GALNT13: variants seen among roughly 807,000 people sequenced by gnomAD.
GALNT13 encodes the protein UDP-GalNAc:polypeptide N-acetylgalactosaminyltransferase 13.
A neutral mutation model predicts 64.2 loss-of-function variants in GALNT13; 28 were observed. The ratio of observed to expected loss-of-function variants is 0.44; its 90% CI spans 0.32 to 0.60. GALNT13 has a LOEUF of 0.60. GALNT13 is among the 20% of genes least tolerant of loss of function. GALNT13 has a pLI of 0.05. For missense variants in GALNT13, 577 were observed against 669.8 expected (o/e 0.86, Z 1.53); for synonymous variants, 214 against 224.6 (o/e 0.95, Z 0.42).
At chr2:153,793,897 C>A in the GALNT13 span, among the ~76,000 whole-genome samples, 1 of 152,110 alleles carries the variant, frequency 6.6e-6, no homozygotes, top group African/African-American at 2.4e-5. Flanking sequence ...AGCTGGTGGT[C>A]ACAATGATGC....
At chr2:153,761,038 C>A in the GALNT13 span, among the ~76,000 whole-genome samples, 99 of 152,178 alleles carry the variant, frequency 6.5e-4, 1 homozygote, top group South Asian at 4.1e-3. Flanking sequence ...GTATAGCTAA[C>A]CTTGGTCTCT....
the GALNT13 span, among the ~76,000 whole-genome samples, chr2:153,659,311 C>A: frequency 6.6e-6 from 1 of 152,022 alleles, no homozygotes; most frequent in Non-Finnish European, 1.5e-5. Flanking sequence ...ATATCCCCCC[C>A]ATCCCTTGAG....
At chr2:153,442,527 G>C in the GALNT13 span, among the ~76,000 whole-genome samples, 7 of 152,278 alleles carry the variant, frequency 4.6e-5, no homozygotes, top group South Asian at 1.4e-3. Context: ...AATGGTACCA[G>C]CTTCTTTTTG....
At position 154,404,363 on chromosome 2, in the gene GALNT13, A is replaced by G. The variant is rs929198812; in HGVS notation, c.1297-4621A>G. On this transcript the variant is annotated intron_variant, in intron 10 of 12. Coordinates refer to ENST00000392825, the MANE Select transcript of GALNT13 (RefSeq NM_052917.4). ...TTTCCCATTAAAACAGAAAACGACT[A>G]GAACAGCAAAACTTAAAAGAATGAT... Among the ~76,000 whole-genome samples, 4 of 152,244 alleles carry G rather than the reference A, an allele frequency of 2.6e-5. No homozygotes were observed. The South Asian group carries it at 6.2e-4, about 24-fold the overall frequency.
chr2:153,981,305 G>A (rs948372170), intron 3 of GALNT13, among the ~76,000 whole-genome samples: 2 of 152,022 alleles, frequency 1.3e-5, no homozygotes, highest in Non-Finnish European at 2.9e-5. Flanking sequence ...CCATGTTGGT[G>A]TGCTGCACCC....
upstream of GALNT13, among the ~76,000 whole-genome samples, chr2:153,868,286 T>C (rs12693840): frequency 0.82 from 125,054 of 152,056 alleles, 52,655 homozygotes; most frequent in Non-Finnish European, 0.9. Flanking sequence ...TCAAAACCTA[T>C]TGCAGTGCTT....
chr2:154,189,711 A>C (rs139884664), intron 4 of GALNT13, among the ~76,000 whole-genome samples: 18 of 152,326 alleles, frequency 1.2e-4, no homozygotes, highest in African/African-American at 4.1e-4. Flanking sequence ...AATGGTAAAC[A>C]TAACAGTGTT....
At chr2:153,505,081 T>C in the GALNT13 span, among the ~76,000 whole-genome samples, 6 of 152,158 alleles carry the variant, frequency 3.9e-5, no homozygotes, top group Non-Finnish European at 7.4e-5. Context: ...CTGTTCAGAG[T>C]TCTATATCTT....
the GALNT13 span, among the ~76,000 whole-genome samples, chr2:153,483,186 A>G: frequency 0.028 from 4,321 of 152,222 alleles, 209 homozygotes; most frequent in African/African-American, 0.098. Context: ...AAAATTAAAC[A>G]TAAAATTACC....
At chr2:153,933,853 C>G (rs979863818) in intron 2 of GALNT13, among the ~76,000 whole-genome samples, 1 of 152,116 alleles carries the variant, frequency 6.6e-6, no homozygotes, top group Non-Finnish European at 1.5e-5. Context: ...TCTTACGAAG[C>G]TTCATTTGGC....
chr2:153,878,240 T>A (rs1385067803), intron 1 of GALNT13, among the ~76,000 whole-genome samples: 1 of 152,180 alleles, frequency 6.6e-6, no homozygotes, highest in Non-Finnish European at 1.5e-5. Flanking sequence ...TTAAAGAGAA[T>A]AAATTAAGCT....
At chr2:153,546,640 A>G in the GALNT13 span, among the ~76,000 whole-genome samples, 3 of 152,340 alleles carry the variant, frequency 2.0e-5, no homozygotes, top group East Asian at 5.8e-4. Context: ...ATCAAGTACA[A>G]TATTAATGCC....
chr2:153,816,941 C>T, the GALNT13 span, among the ~76,000 whole-genome samples: 2 of 152,148 alleles, frequency 1.3e-5, no homozygotes, highest in Non-Finnish European at 2.9e-5. Flanking sequence ...TAAAAAGCTC[C>T]CTTGGAATGG....
the GALNT13 span, among the ~76,000 whole-genome samples, chr2:153,089,384 T>A: frequency 6.6e-6 from 1 of 152,184 alleles, no homozygotes; most frequent in South Asian, 2.1e-4. Context: ...AATCTGATGC[T>A]TTTGCCTCAT....
At chr2:153,427,548 A>G in the GALNT13 span, among the ~76,000 whole-genome samples, 1 of 152,178 alleles carries the variant, frequency 6.6e-6, no homozygotes, top group African/African-American at 2.4e-5. Context: ...TGAGTTAGAC[A>G]TTAGCCTTGG....
chr2:153,360,891 G>T, the GALNT13 span, among the ~76,000 whole-genome samples: 2 of 152,138 alleles, frequency 1.3e-5, no homozygotes. Context: ...CTGTTAAATG[G>T]CTTTTGCTCC....
At chr2:154,300,049 G>C (rs1191858318) in intron 8 of GALNT13, among the ~76,000 whole-genome samples, 1 of 146,648 alleles carries the variant, frequency 6.8e-6, no homozygotes, top group Non-Finnish European at 1.5e-5. Context: ...TAAGCTAAAT[G>C]TTATCTGAAG....
At chr2:153,410,550 G>C in the GALNT13 span, among the ~76,000 whole-genome samples, 2 of 152,102 alleles carry the variant, frequency 1.3e-5, no homozygotes, top group East Asian at 3.9e-4. Flanking sequence ...ACAATCATCA[G>C]AGAAGGGAGG....
At chr2:153,123,838 A>G in the GALNT13 span, among the ~76,000 whole-genome samples, 438 of 152,306 alleles carry the variant, frequency 2.9e-3, 2 homozygotes, top group African/African-American at 0.01. Flanking sequence ...AGCAGTGTCT[A>G]AAATTGTTCT....
Sources: gnomAD v4.1 joint callset for allele counts (sites outside exome capture counted in the v4.1 genomes callset) on GRCh38, gnomAD v4.1.1 for gene constraint, MANE v1.5 for transcripts, NCBI Gene and HGNC (gene_info 2026-07-23, HGNC 2026-07-21) for gene names.